The following RIMS2 variants were observed in gnomAD, a reference collection of about 807,000 sequenced individuals.
RIMS2 encodes the protein regulating synaptic membrane exocytosis protein 2.
In RIMS2, 59 loss-of-function variants were observed where a neutral mutation model predicts 174.4. The ratio of observed to expected loss-of-function variants is 0.34; its 90% CI spans 0.27 to 0.42. The LOEUF (loss-of-function observed/expected upper bound fraction) is 0.42, where lower values mean the gene tolerates loss of function less well. Ranked by LOEUF, RIMS2 falls within the 10% of genes least tolerant of loss-of-function variation. The pLI, the probability that RIMS2 is intolerant of heterozygous loss-of-function variation, is 1.00. For missense variants in RIMS2, 1,620 were observed against 1,666.3 expected, an observed-to-expected ratio of 0.97 and a Z score of 0.48; for synonymous variants, 606 against 572.5, an observed-to-expected ratio of 1.06 and a Z score of -0.84.
intron 19 of RIMS2, among the ~76,000 whole-genome samples, chr8:104,207,699 G>A (rs1025982213): frequency 2.6e-5 from 4 of 151,964 alleles, no homozygotes; most frequent in African/African-American, 9.7e-5. Flanking sequence ...TGTAACCCCA[G>A]CTACTTGGGA....
At chr8:104,248,916 CCT>C (rs757190951) in intron 21 of RIMS2, 103 bp downstream of exon 27, 14,696 of 542,594 alleles carry the variant, frequency 0.027, 724 homozygotes, top group East Asian at 0.15. Flanking sequence ...TCTCTCTTTC[CCT>C]CTCTCTCTCC....
At chr8:103,818,379 A>T (rs1226974289) in intron 3 of RIMS2, among the ~76,000 whole-genome samples, 1 of 152,218 alleles carries the variant, frequency 6.6e-6, no homozygotes, top group Non-Finnish European at 1.5e-5. Context: ...CTAGTTTTAG[A>T]GATCTGTTAT....
intron 1 of RIMS2, among the ~76,000 whole-genome samples, chr8:103,680,463 AGG>A (rs1300046146): frequency 6.6e-6 from 1 of 152,006 alleles, no homozygotes; most frequent in African/African-American, 2.4e-5. Context: ...TGCCTGACTT[AGG>A]GGTAGGTAAG....
intron 19 of RIMS2, among the ~76,000 whole-genome samples, chr8:104,129,556 G>A (rs1284804154): frequency 6.6e-6 from 1 of 152,196 alleles, no homozygotes; most frequent in East Asian, 1.9e-4. Flanking sequence ...CAGATAGGGC[G>A]ATGCATTCTG....
chr8:103,900,280 A>G (rs985614528), intron 4 of RIMS2, among the ~76,000 whole-genome samples: 1 of 151,572 alleles, frequency 6.6e-6, no homozygotes, highest in African/African-American at 2.4e-5. Context: ...CTGGAGTGCA[A>G]TGGTGTGATC....
chr8:103,917,470 G>A (rs2076826487), intron 8 of RIMS2, among the ~76,000 whole-genome samples: 1 of 152,044 alleles, frequency 6.6e-6, no homozygotes, highest in Admixed American at 6.5e-5. Flanking sequence ...TAAAACTGCA[G>A]TGCATAAGAT....
chr8:103,651,848 T>TA (rs1238127915), intron 1 of RIMS2, among the ~76,000 whole-genome samples: 1 of 152,008 alleles, frequency 6.6e-6, no homozygotes, highest in Non-Finnish European at 1.5e-5. Context: ...AAGGAAAAAT[T>TA]AAAAAAAGGA....
intron 19 of RIMS2, among the ~76,000 whole-genome samples, chr8:104,167,858 G>A (rs911468467): frequency 3.9e-5 from 6 of 152,058 alleles, no homozygotes; most frequent in Non-Finnish European, 8.8e-5. Flanking sequence ...TAAGGTGAGA[G>A]GACCCAGTTT....
intron 2 of RIMS2, among the ~76,000 whole-genome samples, chr8:103,721,261 C>T (rs2097444113): frequency 6.6e-6 from 1 of 152,140 alleles, no homozygotes; most frequent in South Asian, 2.1e-4. Flanking sequence ...ATCATGCTTC[C>T]TGTACAGCCT....
chr8:103,597,795 C>T (rs1248515896), intron 1 of RIMS2, among the ~76,000 whole-genome samples: 1 of 151,918 alleles, frequency 6.6e-6, no homozygotes, highest in Non-Finnish European at 1.5e-5. Flanking sequence ...AGGTTATAAG[C>T]TATAATCATC....
At chr8:103,736,527 G>T (rs2097687722) in intron 2 of RIMS2, among the ~76,000 whole-genome samples, 1 of 152,158 alleles carries the variant, frequency 6.6e-6, no homozygotes, top group African/African-American at 2.4e-5. Flanking sequence ...GTATTAGTGA[G>T]AATATGGCCT....
intron 1 of RIMS2, among the ~76,000 whole-genome samples, chr8:103,521,811 T>TAATTC: frequency 6.6e-6 from 1 of 151,644 alleles, no homozygotes; most frequent in Admixed American, 6.6e-5. Context: ...CAAGAGTGGA[T>TAATTC]AATTCAAAAT....
At chr8:103,815,848 C>T (rs1447646727) in intron 3 of RIMS2, among the ~76,000 whole-genome samples, 2 of 152,040 alleles carry the variant, frequency 1.3e-5, no homozygotes, top group Non-Finnish European at 2.9e-5. Flanking sequence ...TTATAAAATG[C>T]ATTGGTACAC....
chr8:103,614,476 TC>T (rs1430954145), intron 1 of RIMS2, among the ~76,000 whole-genome samples: 1 of 152,260 alleles, frequency 6.6e-6, no homozygotes, highest in Non-Finnish European at 1.5e-5. Context: ...TTTTAATGAT[TC>T]AAAGTTAAAG....
chr8:103,878,675 G>T (rs778980182), intron 3 of RIMS2, among the ~76,000 whole-genome samples: 11 of 150,660 alleles, frequency 7.3e-5, no homozygotes, highest in East Asian at 3.9e-4. Context: ...TAGATTTCAC[G>T]TGTGAATTCA....
chr8:103,992,482 G>A (rs984297259), intron 17 of RIMS2, among the ~76,000 whole-genome samples: 2 of 151,730 alleles, frequency 1.3e-5, no homozygotes, highest in African/African-American at 4.8e-5. Flanking sequence ...TAGAATGAAT[G>A]TAGGGCATGA....
chr8:104,130,815 C>T (rs2098468255), intron 19 of RIMS2, among the ~76,000 whole-genome samples: 1 of 151,918 alleles, frequency 6.6e-6, no homozygotes, highest in Admixed American at 6.6e-5. Flanking sequence ...CTTAGTAAAC[C>T]AAGTGGCCAT....
At chr8:103,575,685 C>CATATATATAT (rs917263576) in intron 1 of RIMS2, among the ~76,000 whole-genome samples, 1 of 145,284 alleles carries the variant, frequency 6.9e-6, no homozygotes, top group Admixed American at 7.0e-5. Context: ...CACACACACA[C>CATATATATAT]ATATATATAT....
chr8:104,009,444 C>T (rs961281804), intron 17 of RIMS2, among the ~76,000 whole-genome samples: 1 of 151,966 alleles, frequency 6.6e-6, no homozygotes, highest in Non-Finnish European at 1.5e-5. Context: ...TAGGTGTTTG[C>T]CACCACACCC....
Sources: allele counts gnomAD v4.1 joint callset (sites outside exome capture counted in the v4.1 genomes callset), GRCh38; gene constraint gnomAD v4.1.1; transcripts MANE v1.5; gene names NCBI Gene and HGNC (gene_info 2026-07-23, HGNC 2026-07-21).